Variants in CHRNB1 observed in about 807,000 individuals in gnomAD.
CHRNB1 encodes acetylcholine receptor subunit beta.
Under a neutral mutation model 53.8 loss-of-function variants are expected in CHRNB1, and 47 were observed. The ratio of observed to expected loss-of-function variants is 0.87; its 90% CI spans 0.69 to 1.11. The LOEUF (loss-of-function observed/expected upper bound fraction) is 1.11, where lower values mean the gene tolerates loss of function less well. CHRNB1 is among the 50% of genes most tolerant of loss of function. CHRNB1 has a pLI of 0.00. For synonymous variants in CHRNB1, 259 were observed against 263.5 expected (o/e 0.98, Z 0.16); for missense variants, 605 against 654.9 (o/e 0.92, Z 0.83).
chr17:7,446,067 A>G lies in CHRNB1; in HGVS notation c.199-2A>G. On this transcript the variant is annotated splice_acceptor_variant, in intron 2 of 10. Coordinates refer to ENST00000306071, the MANE Select transcript of CHRNB1 (RefSeq NM_000747.3). LOFTEE classifies it high-confidence loss of function. ...TTTACGCCTTAAATTTTTCCCTTCTAGAACGAGAAGGATGAAGAGATGAGC... is the reference window on the plus strand; with the variant it reads ...TTTACGCCTTAAATTTTTCCCTTCTGGAACGAGAAGGATGAAGAGATGAGC... 1 of 1,613,886 alleles carries G rather than the reference A, an allele frequency of 6.2e-7. No homozygotes were observed. Among genetic ancestry groups the G allele is most frequent in the Non-Finnish European group, 8.5e-7 (1 of 1,179,826 alleles).
At chr17:7,455,725 G>A (rs762004941) in intron 9 of CHRNB1, 69 bp from the exon 10 acceptor site, 61 of 1,604,598 alleles carry the variant, frequency 3.8e-5, no homozygotes, top group Admixed American at 6.7e-5. Flanking sequence ...GGAGGCAGCT[G>A]GAGCGGGGCC....
chr17:7,445,773 G>A lies in CHRNB1; in HGVS notation c.199-296G>A. ...GGTCAATAAATGGCAGCGGGTGGAG[G>A]TTCGGGGCTGGGTGGATTATGAGCT... On this transcript the variant is annotated intron_variant, in intron 2 of 10. Transcript: ENST00000306071. The surrounding 1 kb of genome is among the most constrained non-coding windows in gnomAD (Gnocchi z 5.7). The A allele has an allele frequency of 1.5e-6, 1 of 652,526 alleles. No homozygotes were observed. Among genetic ancestry groups the A allele is most frequent in the Non-Finnish European group, 2.6e-6 (1 of 388,220 alleles). The allele number at this position is 652,526 out of a possible 1,614,324, so 40.4% of individuals were successfully genotyped here.
At chr17:7,451,472 G>A (rs1023970831) in intron 7 of CHRNB1, among the ~76,000 whole-genome samples, 1 of 151,814 alleles carries the variant, frequency 6.6e-6, no homozygotes, top group African/African-American at 2.4e-5. Context: ...GTAGAGATGG[G>A]ATTTCTCCAT....
At chr17:7,452,050 C>T (rs34730991) in intron 7 of CHRNB1, among the ~76,000 whole-genome samples, 37,952 of 142,540 alleles carry the variant, frequency 0.27, 6,291 homozygotes, top group Non-Finnish European at 0.38. Context: ...TTCTTTCTTT[C>T]CTTTTTCTTT....
chr17:7,452,626 C>T (rs1217801175), intron 7 of CHRNB1, among the ~76,000 whole-genome samples: 2 of 152,180 alleles, frequency 1.3e-5, no homozygotes, highest in Non-Finnish European at 2.9e-5. Context: ...CATGGAAACA[C>T]CTGGGAGTTA....
chr17:7,446,303 T>G (rs1015833820), intron 3 of CHRNB1, 190 bp downstream of exon 3: 48 of 477,902 alleles, frequency 1.0e-4, no homozygotes, highest in Middle Eastern at 5.8e-4. Flanking sequence ...AATTCCAATT[T>G]TGTGTGTGTG....
intron 10 of CHRNB1, 112 bp downstream of exon 10, chr17:7,456,053 T>TTTTTTGGC: frequency 3.2e-6 from 1 of 315,832 alleles, no homozygotes; most frequent in East Asian, 3.7e-5. Flanking sequence ...TTTTGGCTTT[T>TTTTTTGGC]TTTTTTTTTT....
rs748157153 is a variant in CHRNB1, at chr17:7,456,534, C to T, written c.1366-49C>T. 4 of 1,612,976 alleles carry T rather than the reference C, an allele frequency of 2.5e-6. No individual in the cohort carries two copies. In the African/African-American group the frequency reaches 5.3e-5, roughly 22 times the overall value. On this transcript the variant is annotated intron_variant, in intron 10 of 10. Coordinates refer to ENST00000306071, the MANE Select transcript of CHRNB1 (RefSeq NM_000747.3). ...CGGGCGGGGAAATGGGGGGGTTTCC[C>T]TGGGGGTCTGGGCCCAGAGCTCAGG...
intron 9 of CHRNB1, 142 bp downstream of exon 9, chr17:7,455,598 T>G (rs2069941530): frequency 8.0e-7 from 1 of 1,245,544 alleles, no homozygotes. Context: ...CTGCTCACTT[T>G]GAGGGGAGGT....
chr17:7,457,010 C>A lies in CHRNB1; in HGVS notation c.*287C>A. 2.3e-6 allele frequency: 1 copy of A among 431,844 alleles called. No individual in the cohort carries two copies. Among genetic ancestry groups the A allele is most frequent in the Non-Finnish European group, 4.3e-6 (1 of 233,566 alleles). 26.8% of individuals were successfully genotyped at this position (431,844 alleles called of 1,614,324 possible). ...CACAGAACAGGAACTAGATTATAAG[C>A]CTTATGAGGTCAAGAAATGTGACTT... On this transcript the variant is annotated 3_prime_UTR_variant, in exon 11 of 11. Coordinates refer to ENST00000306071, the MANE Select transcript of CHRNB1 (RefSeq NM_000747.3).
At chr17:7,450,040 A>AAATAAAT (rs1555552114) in intron 7 of CHRNB1, among the ~76,000 whole-genome samples, 1 of 142,888 alleles carries the variant, frequency 7.0e-6, no homozygotes, top group Non-Finnish European at 1.5e-5. Context: ...TCTGTCTCAA[A>AAATAAAT]AAATAAATAA....
rs2302761 is a variant in CHRNB1 at position 7,455,201 on chromosome 17, C to T, written c.1045-83C>T. 0.2 allele frequency: 296,116 copies of T among 1,470,170 alleles called. 31,738 individuals carry two copies. The highest frequency in any genetic ancestry group is 0.27 in the South Asian group (24,108 of 87,848). 91.1% of individuals were successfully genotyped at this position (1,470,170 alleles called of 1,614,324 possible). ...GCACATACTCACGCGCGGGAATGGG[C>T]ATGTGGAGTGGGGTGGTTGGCTGTT... On this transcript the variant is annotated intron_variant, in intron 8 of 10. Transcript: ENST00000306071.
chr17:7,447,345 T>G (rs1258468174), intron 5 of CHRNB1, 158 bp from the exon 6 acceptor site: 4 of 958,182 alleles, frequency 4.2e-6, no homozygotes, highest in Non-Finnish European at 3.3e-6. Context: ...TCTTACTCAG[T>G]GACCGCCCTC....
intron 3 of CHRNB1, 166 bp from the exon 4 acceptor site, chr17:7,446,667 C>A: frequency 1.6e-6 from 1 of 621,300 alleles, no homozygotes; most frequent in Non-Finnish European, 2.9e-6. Flanking sequence ...TGATGTGGAT[C>A]CCAGCGAGTG....
chr17:7,446,321 G>GTGTC (rs1555551776), intron 3 of CHRNB1: 6 of 292,928 alleles, frequency 2.0e-5, no homozygotes, highest in Admixed American at 1.2e-4. Context: ...GTGTGTGTGT[G>GTGTC]TGTGTCTGTG....
intron 7 of CHRNB1, among the ~76,000 whole-genome samples, chr17:7,452,150 G>C (rs1036696505): frequency 6.6e-6 from 1 of 151,808 alleles, no homozygotes; most frequent in African/African-American, 2.4e-5. Flanking sequence ...CCGCCTCCCG[G>C]GTTCAAGCGA....
rs1908573597 is a variant in CHRNB1, at chr17:7,445,599, C to T, written c.198+190C>T. 5.4e-6 allele frequency: 8 copies of T among 1,473,530 alleles called. No homozygotes were observed. Among genetic ancestry groups the T allele is most frequent in the Non-Finnish European group, 6.3e-6 (7 of 1,114,766 alleles). 91.3% of individuals were successfully genotyped at this position (1,473,530 alleles called of 1,614,324 possible). A position where few individuals can be genotyped will look rare whatever the true frequency, so the allele number is the denominator to read the frequency against. ...GCTCTGGCCGTGGGTGGTGGACGGG[C>T]CTGGAGTAGAACTGGGTAGGGTGAA... On this transcript the variant is annotated intron_variant, in intron 2 of 10. Coordinates refer to ENST00000306071, the MANE Select transcript of CHRNB1 (RefSeq NM_000747.3). This position sits in a 1 kb window ranked among gnomAD's most constrained non-coding sequence, Gnocchi z 5.7.
Position 7,445,240 on chromosome 17 carries a change from CA to C in CHRNB1, c.59-29del, listed in dbSNP as rs1567676273. 6.2e-7 allele frequency: 1 copy of C among 1,612,192 alleles called. No homozygotes were observed. Among genetic ancestry groups the C allele is most frequent in the Non-Finnish European group, 8.5e-7 (1 of 1,179,566 alleles). ...GGGGCCAGCGGTCGTGGCCAGGCACCAGGGCTGCACTTATTCTCTCCTCCCC... is the reference window on the plus strand; with the variant it reads ...GGGGCCAGCGGTCGTGGCCAGGCACCGGGCTGCACTTATTCTCTCCTCCCC... On this transcript the variant is annotated intron_variant, in intron 1 of 10. Transcript: ENST00000306071. The surrounding 1 kb of genome is among the most constrained non-coding windows in gnomAD (Gnocchi z 5.7).
intron 3 of CHRNB1, chr17:7,446,607 A>C: frequency 1.7e-6 from 1 of 590,608 alleles, no homozygotes; most frequent in Admixed American, 3.0e-5. Context: ...CAGCCTCCTC[A>C]TTTTTACAGA....
Sources: gnomAD v4.1 joint callset for allele counts (sites outside exome capture counted in the v4.1 genomes callset) on GRCh38, gnomAD v4.1.1 for gene constraint, Gnocchi (gnomAD v3.1) non-coding constraint, MANE v1.5 for transcripts, NCBI Gene and HGNC (gene_info 2026-07-23, HGNC 2026-07-21) for gene names.